RNLS: variants seen among roughly 807,000 people sequenced by gnomAD.
RNLS encodes the protein renalase.
A neutral mutation model predicts 39.8 loss-of-function variants in RNLS; 39 were observed. That is an observed-to-expected ratio of 0.98 (90% confidence interval 0.76 to 1.28). RNLS has a LOEUF of 1.28. RNLS is among the 50% of genes most tolerant of loss of function. The pLI is 0.00. For synonymous variants in RNLS, 147 were observed against 150.7 expected, an observed-to-expected ratio of 0.98 and a Z score of 0.18; for missense variants, 410 against 413.3, an observed-to-expected ratio of 0.99 and a Z score of 0.07.
At chr10:88,439,460 C>G (rs1841590275) in intron 4 of RNLS, among the ~76,000 whole-genome samples, 1 of 152,148 alleles carries the variant, frequency 6.6e-6, no homozygotes, top group Non-Finnish European at 1.5e-5. Context: ...TGTTTATTAA[C>G]TGGTGAAAAC....
At chr10:88,501,378 A>G (rs563289708) in intron 4 of RNLS, among the ~76,000 whole-genome samples, 6 of 152,278 alleles carry the variant, frequency 3.9e-5, no homozygotes, top group African/African-American at 1.4e-4. Flanking sequence ...ATTAACTGTT[A>G]GTTCTCTCCC....
At chr10:88,357,666 T>A (rs568911036) in intron 5 of RNLS, among the ~76,000 whole-genome samples, 2 of 152,228 alleles carry the variant, frequency 1.3e-5, no homozygotes, top group African/African-American at 4.8e-5. Flanking sequence ...ATAGGTAGAC[T>A]ACATTTCCAG....
At chr10:88,233,587 C>T in the RNLS span, among the ~76,000 whole-genome samples, 2 of 152,158 alleles carry the variant, frequency 1.3e-5, no homozygotes, top group Non-Finnish European at 2.9e-5. Flanking sequence ...AAGTACGTCC[C>T]ATGCAATATA....
chr10:88,192,107 T>C, the RNLS span, among the ~76,000 whole-genome samples: 1 of 152,102 alleles, frequency 6.6e-6, no homozygotes, highest in Non-Finnish European at 1.5e-5. Context: ...CAGATTATCT[T>C]TATGTTCTTT....
the RNLS span, among the ~76,000 whole-genome samples, chr10:88,213,009 T>G: frequency 0.74 from 112,517 of 152,086 alleles, 41,798 homozygotes; most frequent in Non-Finnish European, 0.79. Flanking sequence ...AAAGAAAAAA[T>G]TTTGGCTTTT....
intron 4 of RNLS, among the ~76,000 whole-genome samples, chr10:88,401,622 T>C (rs1473325997): frequency 6.6e-6 from 1 of 152,024 alleles, no homozygotes; most frequent in African/African-American, 2.4e-5. Context: ...CCACACAAAA[T>C]GATGTCTTAT....
chr10:88,315,738 G>GTTT (rs202128805), intron 5 of RNLS, among the ~76,000 whole-genome samples: 11,656 of 133,376 alleles, frequency 0.087, 731 homozygotes, highest in African/African-American at 0.14. Flanking sequence ...TACATTTCAG[G>GTTT]TTTTTTTTTT....
chr10:88,370,528 G>C, intron 4 of RNLS, among the ~76,000 whole-genome samples: 1 of 152,086 alleles, frequency 6.6e-6, no homozygotes, highest in Middle Eastern at 3.2e-3. Context: ...AAGCCAATTT[G>C]TATTATAACT....
At chr10:88,191,902 C>T in the RNLS span, among the ~76,000 whole-genome samples, 1 of 151,948 alleles carries the variant, frequency 6.6e-6, no homozygotes, top group East Asian at 1.9e-4. Flanking sequence ...ACATGCCATC[C>T]CTTGATTTGT....
At chr10:88,342,988 C>A (rs900416795) in intron 5 of RNLS, among the ~76,000 whole-genome samples, 2 of 152,190 alleles carry the variant, frequency 1.3e-5, no homozygotes, top group Non-Finnish European at 2.9e-5. Flanking sequence ...GTAGCTGCAA[C>A]AGACTGTATG....
intron 5 of RNLS, among the ~76,000 whole-genome samples, chr10:88,361,593 C>G (rs1175358379): frequency 6.6e-6 from 1 of 152,008 alleles, no homozygotes; most frequent in Admixed American, 6.6e-5. Context: ...ACAGTCCAGC[C>G]CTAAGGGAGT....
At chr10:88,511,598 T>C (rs1825439209) in intron 4 of RNLS, among the ~76,000 whole-genome samples, 1 of 152,068 alleles carries the variant, frequency 6.6e-6, no homozygotes, top group South Asian at 2.1e-4. Flanking sequence ...GATTGAGTCC[T>C]GGGTTATGCC....
At chr10:88,440,240 C>G (rs1180972114) in intron 4 of RNLS, among the ~76,000 whole-genome samples, 1 of 152,178 alleles carries the variant, frequency 6.6e-6, no homozygotes, top group African/African-American at 2.4e-5. Context: ...CATGGATACA[C>G]AGTGCTTTAG....
chr10:88,474,988 G>T lies in RNLS; in HGVS notation c.526+97915C>A, dbSNP rs2576180. On this transcript the variant is annotated intron_variant, in intron 4 of 6. Coordinates refer to ENST00000331772, the MANE Select transcript of RNLS (RefSeq NM_001031709.3). The stretch of plus-strand genomic sequence containing the variant: ...TTGGAGAAAGTAGTCAGCTCCCCCC[G>T]GCAACAAGATAGTGGACTGCCATGT... 4.0e-5 allele frequency among the ~76,000 whole-genome samples: 6 copies of T among 151,798 alleles called. No individual in the cohort carries two copies. In the East Asian group the frequency reaches 5.8e-4, roughly 15 times the overall value.
intron 4 of RNLS, among the ~76,000 whole-genome samples, chr10:88,551,461 C>A (rs916452547): frequency 5.3e-5 from 8 of 152,132 alleles, no homozygotes; most frequent in Non-Finnish European, 1.0e-4. Flanking sequence ...AATAGTCACA[C>A]TTATTTATGA....
At chr10:88,577,002 C>G (rs1232648959) in intron 3 of RNLS, among the ~76,000 whole-genome samples, 2 of 152,172 alleles carry the variant, frequency 1.3e-5, no homozygotes, top group African/African-American at 4.8e-5. Flanking sequence ...CTAAATTCAT[C>G]TTTTTTGAAT....
Position 88,286,526 on chromosome 10 carries a change from C to A in RNLS, c.877-1020G>T, listed in dbSNP as rs908600123. 3.9e-5 allele frequency among the ~76,000 whole-genome samples: 6 copies of A among 152,050 alleles called. No individual in the cohort carries two copies. In the South Asian group the frequency reaches 1.2e-3, roughly 32 times the overall value. On this transcript the variant is annotated intron_variant, in intron 6 of 6. Coordinates refer to ENST00000331772, the MANE Select transcript of RNLS (RefSeq NM_001031709.3). Reference sequence around the variant, plus strand: ...GAAACACCAAAAACCCTCTAAAAAACCAGAATATGAAAACTTGTTGTAATG... The same window carrying A: ...GAAACACCAAAAACCCTCTAAAAAAACAGAATATGAAAACTTGTTGTAATG...
At chr10:88,396,238 A>G (rs1852550808) in intron 4 of RNLS, among the ~76,000 whole-genome samples, 1 of 152,084 alleles carries the variant, frequency 6.6e-6, no homozygotes, top group African/African-American at 2.4e-5. Context: ...TCGGATTTGA[A>G]AGACAACTTT....
chr10:88,456,128 G>A (rs1842615834), intron 4 of RNLS, among the ~76,000 whole-genome samples: 1 of 152,112 alleles, frequency 6.6e-6, no homozygotes, highest in Non-Finnish European at 1.5e-5. Context: ...TTTCAACTAA[G>A]CAAATTAGGA....
Sources: gnomAD v4.1 joint callset for allele counts (sites outside exome capture counted in the v4.1 genomes callset) on GRCh38, gnomAD v4.1.1 for gene constraint, MANE v1.5 for transcripts, NCBI Gene and HGNC (gene_info 2026-07-23, HGNC 2026-07-21) for gene names.